DNAI4: variants seen among roughly 807,000 people sequenced by gnomAD.
DNAI4 encodes WD repeat domain 78.
DNAI4 carries 85 observed loss-of-function variants against 105.8 expected under a neutral mutation model. The observed-to-expected ratio is 0.80, with a 90% confidence interval of 0.67 to 0.96. The LOEUF (loss-of-function observed/expected upper bound fraction) is 0.96. DNAI4 is among the 40% of genes least tolerant of loss of function. The probability of loss-of-function intolerance (pLI) is 0.00; values close to 1 mark genes in which losing one functional copy is unlikely to be tolerated. For missense variants in DNAI4, 1,014 were observed against 1,005.6 expected, an observed-to-expected ratio of 1.01 and a Z score of -0.11; for synonymous variants, 352 against 331.5, an observed-to-expected ratio of 1.06 and a Z score of -0.67.
At chr1:66,909,547 T>C (rs1025647451) in intron 1 of DNAI4, among the ~76,000 whole-genome samples, 1 of 151,954 alleles carries the variant, frequency 6.6e-6, no homozygotes, top group African/African-American at 2.4e-5. Flanking sequence ...CCTCCTCCCT[T>C]TTCTGTGGCA....
Position 66,835,820 on chromosome 1 carries a change from C to T in DNAI4, c.1582-43G>A, listed in dbSNP as rs371686845. ...ACATTTTCAATTTGTTTTTGTAGACCACAGTAAGGCAGAATATAATGGTGG... is the reference window on the plus strand; with the variant it reads ...ACATTTTCAATTTGTTTTTGTAGACTACAGTAAGGCAGAATATAATGGTGG... On this transcript the variant is annotated intron_variant, in intron 10 of 16. Transcript: ENST00000371026. 5.1e-6 allele frequency: 8 copies of T among 1,565,580 alleles called. No homozygotes were observed. The African/African-American group carries it at 9.5e-5, about 19-fold the overall frequency.
At chr1:66,909,218 T>C (rs564988498) in intron 1 of DNAI4, among the ~76,000 whole-genome samples, 2 of 151,418 alleles carry the variant, frequency 1.3e-5, no homozygotes, top group South Asian at 4.2e-4. Context: ...CTATCAGTCA[T>C]TCATGTTTCC....
At chr1:66,850,796 G>C (rs1006966303) in intron 7 of DNAI4, among the ~76,000 whole-genome samples, 1 of 151,800 alleles carries the variant, frequency 6.6e-6, no homozygotes, top group Non-Finnish European at 1.5e-5. Flanking sequence ...ATGGACTATT[G>C]TGTATGCATA....
intron 2 of DNAI4, 58 bp downstream of exon 2, chr1:66,905,143 T>C: frequency 1.6e-6 from 2 of 1,271,538 alleles, no homozygotes; most frequent in Non-Finnish European, 2.1e-6. Flanking sequence ...CTTTAACATT[T>C]CAATTGAGTT....
chr1:66,924,591 G>A (rs1326850020), intron 1 of DNAI4, 71 bp downstream of exon 1: 2 of 1,606,060 alleles, frequency 1.2e-6, no homozygotes, highest in Non-Finnish European at 1.7e-6. Context: ...TCCAGAAATG[G>A]TATCTATTAA....
At chr1:66,908,517 A>G (rs949765522) in intron 1 of DNAI4, among the ~76,000 whole-genome samples, 1 of 152,130 alleles carries the variant, frequency 6.6e-6, no homozygotes, top group African/African-American at 2.4e-5. Context: ...ATGCTGCTTC[A>G]CTCATTACTT....
chr1:66,838,407 C>G (rs1646076230), intron 9 of DNAI4, among the ~76,000 whole-genome samples: 1 of 152,166 alleles, frequency 6.6e-6, no homozygotes, highest in African/African-American at 2.4e-5. Flanking sequence ...AGGAAGAGAG[C>G]TCTCACTGAA....
rs533571719 is a variant in DNAI4 at position 66,857,803 on chromosome 1, C to G, written c.1096+4344G>C. On this transcript the variant is annotated intron_variant, in intron 7 of 16. Transcript: ENST00000371026. Reference sequence around the variant, plus strand: ...TCTTGATCATGTTGGTCAGGCTGGTCTTGAACTCCCGACCTCAGGTGATCT... The same window carrying G: ...TCTTGATCATGTTGGTCAGGCTGGTGTTGAACTCCCGACCTCAGGTGATCT... 1.8e-4 allele frequency among the ~76,000 whole-genome samples: 27 copies of G among 152,148 alleles called. 1 individual carries two copies. The highest frequency in any genetic ancestry group is 6.3e-4 in the African/African-American group (26 of 41,488).
chr1:66,896,716 C>T (rs1648367708), intron 2 of DNAI4, among the ~76,000 whole-genome samples: 1 of 152,206 alleles, frequency 6.6e-6, no homozygotes, highest in South Asian at 2.1e-4. Flanking sequence ...CCCTGCACCA[C>T]CTCAGCTCTC....
intron 4 of DNAI4, among the ~76,000 whole-genome samples, chr1:66,886,893 C>T (rs1327587797): frequency 6.6e-6 from 1 of 152,104 alleles, no homozygotes; most frequent in African/African-American, 2.4e-5. Context: ...ATTCCCTTAC[C>T]CTATCTGGGC....
chr1:66,862,421 T>C (rs1646647355), intron 6 of DNAI4, 119 bp from the exon 7 acceptor site: 1 of 1,102,232 alleles, frequency 9.1e-7, no homozygotes, highest in Non-Finnish European at 1.3e-6. Flanking sequence ...CCTGATGCAG[T>C]TGCCCGTGCC....
intron 8 of DNAI4, among the ~76,000 whole-genome samples, chr1:66,844,281 C>G (rs781562891): frequency 1.1e-4 from 17 of 151,812 alleles, no homozygotes; most frequent in Non-Finnish European, 1.9e-4. Flanking sequence ...AAAAATAGGC[C>G]TGGGCGCAGT....
rs754981071 is a variant in DNAI4 at position 66,893,249 on chromosome 1, A to T, written c.510T>A (p.Ser170Arg). Residue 170 changes from serine to arginine, a missense_variant, in exon 3 of 17, where the codon AGT becomes AGA. By Grantham distance (110) the Ser-to-Arg change is moderately radical. Coordinates refer to ENST00000371026, the MANE Select transcript of DNAI4 (RefSeq NM_024763.5). ...YSLYQNTINPSTLGQFTRSVL... is the reference protein window; with the variant it reads ...YSLYQNTINPRTLGQFTRSVL... ...TCTACCTTGTAAACTGCCCTAACGT[A>T]CTAGGATTTATTGTATTCTGATAAA... 1.9e-6 allele frequency: 3 copies of T among 1,593,224 alleles called. No individual in the cohort carries two copies. The highest frequency in any genetic ancestry group is 2.6e-6 in the Non-Finnish European group (3 of 1,170,202).
rs142065064 is a variant in DNAI4, at chr1:66,871,462, T to C, written c.848A>G (p.Asn283Ser). The C allele has an allele frequency of 1.6e-4, 259 of 1,609,986 alleles. No individual in the cohort carries two copies. Among genetic ancestry groups the C allele is most frequent in the Non-Finnish European group, 2.0e-4 (232 of 1,178,208 alleles). ...YEVLCRNRLG[N>S]DLYVERMMQT... Reference sequence around the variant, plus strand: ...CATCATCCTTTCAACATATAGGTCATTGCCTAATCTGTTTCTACAAAGGAC... The same window carrying C: ...CATCATCCTTTCAACATATAGGTCACTGCCTAATCTGTTTCTACAAAGGAC... Residue 283 changes from asparagine (N) to serine (S), a missense_variant, in exon 6 of 17, where the codon AAT becomes AGT. By Grantham distance (46) the Asn-to-Ser change is conservative (BLOSUM62 1). Transcript: ENST00000371026.
chr1:66,863,167 TA>T (rs1195051606), intron 6 of DNAI4, among the ~76,000 whole-genome samples: 2 of 152,226 alleles, frequency 1.3e-5, no homozygotes, highest in African/African-American at 2.4e-5. Flanking sequence ...AATAATAACT[TA>T]AAAACTCCAA....
intron 1 of DNAI4, among the ~76,000 whole-genome samples, chr1:66,909,032 A>G (rs1191825157): frequency 1.3e-5 from 2 of 151,964 alleles, no homozygotes; most frequent in Non-Finnish European, 2.9e-5. Context: ...CTCCCTCTAC[A>G]TGCATACCAG....
intron 7 of DNAI4, among the ~76,000 whole-genome samples, chr1:66,849,229 C>A (rs189949527): frequency 6.6e-6 from 1 of 152,328 alleles, no homozygotes; most frequent in Admixed American, 6.5e-5. Flanking sequence ...GTGTAGGCCA[C>A]ATGTGTAGCA....
intron 4 of DNAI4, among the ~76,000 whole-genome samples, chr1:66,889,079 C>T (rs1647378338): frequency 6.6e-6 from 1 of 152,212 alleles, no homozygotes; most frequent in South Asian, 2.1e-4. Context: ...GTCTCTCCTG[C>T]AGCAGACATT....
At chr1:66,876,461 C>A (rs1260572299) in intron 4 of DNAI4, among the ~76,000 whole-genome samples, 3 of 151,908 alleles carry the variant, frequency 2.0e-5, no homozygotes, top group Non-Finnish European at 1.5e-5. Context: ...ATATATAGAA[C>A]CTAATATGGT....
Sources: gnomAD v4.1 joint callset for allele counts (sites outside exome capture counted in the v4.1 genomes callset) on GRCh38, gnomAD v4.1.1 for gene constraint, MANE v1.5 for transcripts, NCBI Gene and HGNC (gene_info 2026-07-23, HGNC 2026-07-21) for gene names.